MCU: variants seen among roughly 807,000 people sequenced by gnomAD.
MCU encodes the protein calcium uniporter protein, mitochondrial.
MCU carries 12 observed loss-of-function variants against 45.2 expected under a neutral mutation model. The observed-to-expected ratio is 0.27, with a 90% CI of 0.17 to 0.43. MCU has a LOEUF of 0.43. Ranked by LOEUF, MCU falls within the 20% of genes least tolerant of loss-of-function variation. MCU has a pLI of 1.00. For synonymous variants in MCU, 160 were observed against 165.1 expected, an observed-to-expected ratio of 0.97 and a Z score of 0.24; for missense variants, 324 against 436.7, an observed-to-expected ratio of 0.74 and a Z score of 2.30.
chr10:72,750,144 A>G (rs1843473895), intron 1 of MCU, among the ~76,000 whole-genome samples: 1 of 152,144 alleles, frequency 6.6e-6, no homozygotes, highest in African/African-American at 2.4e-5. Context: ...CACAGAATTC[A>G]TCAGTGTAAA....
intron 1 of MCU, among the ~76,000 whole-genome samples, chr10:72,749,736 C>T (rs926952883): frequency 1.3e-5 from 2 of 151,946 alleles, no homozygotes; most frequent in Non-Finnish European, 2.9e-5. Flanking sequence ...ATATGGTCAC[C>T]CTAGTTAAAG....
At chr10:72,776,054 G>C (rs1843888243) in intron 1 of MCU, among the ~76,000 whole-genome samples, 1 of 152,046 alleles carries the variant, frequency 6.6e-6, no homozygotes, top group Admixed American at 6.6e-5. Flanking sequence ...TGTAGCCCCA[G>C]TTATGTGGGA....
chr10:72,864,017 A>G (rs750860012), intron 4 of MCU, among the ~76,000 whole-genome samples: 3 of 152,184 alleles, frequency 2.0e-5, no homozygotes, highest in Non-Finnish European at 4.4e-5. Context: ...GCATGATGCC[A>G]TTTGCAGTTG....
chr10:72,737,521 C>CTTT (rs796167474), intron 1 of MCU, among the ~76,000 whole-genome samples: 3 of 136,450 alleles, frequency 2.2e-5, no homozygotes, highest in Non-Finnish European at 4.8e-5. Flanking sequence ...TTTTTCTTTC[C>CTTT]TTTTTTTTTT....
At chr10:72,794,952 C>A (rs1844221710) in intron 1 of MCU, among the ~76,000 whole-genome samples, 1 of 152,058 alleles carries the variant, frequency 6.6e-6, no homozygotes, top group Non-Finnish European at 1.5e-5. Flanking sequence ...TTGAGAATAG[C>A]TTGCTTTTTG....
rs568766582 is a variant in MCU, at chr10:72,786,263, G to A, written c.151-48096G>A. On this transcript the variant is annotated intron_variant, in intron 1 of 7. Coordinates refer to ENST00000373053, the MANE Select transcript of MCU (RefSeq NM_138357.3). ...ACTTGAACACATCAACATAGAGTGA[G>A]AAGTTACTGTTTTTGTTACCTAAAA... Among the ~76,000 whole-genome samples the A allele has an allele frequency of 3.9e-5, 6 of 152,194 alleles. No individual in the cohort carries two copies. In the East Asian group the frequency reaches 9.7e-4, roughly 24 times the overall value.
intron 1 of MCU, among the ~76,000 whole-genome samples, chr10:72,783,938 A>G (rs1282026990): frequency 2.0e-5 from 3 of 152,204 alleles, no homozygotes; most frequent in Admixed American, 6.5e-5. Context: ...AAAGCTTATT[A>G]GGAAGTCTAG....
chr10:72,729,643 G>A (rs751313150), intron 1 of MCU, among the ~76,000 whole-genome samples: 1 of 152,202 alleles, frequency 6.6e-6, no homozygotes, highest in Non-Finnish European at 1.5e-5. Context: ...CCTCACAGTA[G>A]AACAGATAGA....
intron 1 of MCU, among the ~76,000 whole-genome samples, chr10:72,701,973 C>T (rs1367699815): frequency 6.6e-6 from 1 of 152,114 alleles, no homozygotes; most frequent in Non-Finnish European, 1.5e-5. Flanking sequence ...GGCGCTGTGG[C>T]TCATGCCTGT....
At chr10:72,750,717 C>T (rs1447276074) in intron 1 of MCU, among the ~76,000 whole-genome samples, 1 of 152,194 alleles carries the variant, frequency 6.6e-6, no homozygotes, top group Non-Finnish European at 1.5e-5. Flanking sequence ...TAACCACCTT[C>T]ACAATCAGAA....
At chr10:72,784,327 A>G (rs1264309382) in intron 1 of MCU, among the ~76,000 whole-genome samples, 1 of 152,146 alleles carries the variant, frequency 6.6e-6, no homozygotes, top group East Asian at 1.9e-4. Flanking sequence ...CTCTGTTTTG[A>G]TAGATCTCTT....
In MCU at chr10:72,884,357, A is replaced by G. The variant is rs1463705801; in HGVS notation, c.953A>G (p.Asn318Ser). The change falls in exon 7 of 8, where the codon AAT becomes AGT. Residue 318 changes from asparagine (N) to serine (S), a missense_variant. Asn to Ser is a conservative substitution (Grantham distance 46). Coordinates refer to ENST00000373053, the MANE Select transcript of MCU (RefSeq NM_138357.3). The stretch of plus-strand genomic sequence containing the variant: ...TCACGTTTTGACCTAGAGAAATACA[A>G]TCAACTCAAGGATGCAATTGCTCAG... ...KKSRFDLEKYNQLKDAIAQAE... is the reference protein window; with the variant it reads ...KKSRFDLEKYSQLKDAIAQAE... 2.5e-6 allele frequency: 4 copies of G among 1,607,568 alleles called. No homozygotes were observed. The highest frequency in any genetic ancestry group is 3.4e-6 in the Non-Finnish European group (4 of 1,174,356).
chr10:72,702,959 C>T (rs1348847163), intron 1 of MCU, among the ~76,000 whole-genome samples: 1 of 140,680 alleles, frequency 7.1e-6, no homozygotes. Flanking sequence ...GCCTGGACAA[C>T]AAGAACGAAA....
chr10:72,730,210 C>A (rs1422445451), intron 1 of MCU, among the ~76,000 whole-genome samples: 1 of 151,934 alleles, frequency 6.6e-6, no homozygotes, highest in Non-Finnish European at 1.5e-5. Flanking sequence ...ATCCGCTTGC[C>A]TTAACCTCCC....
At position 72,697,520 on chromosome 10, in the gene MCU, G is replaced by A. The variant is rs554643286; in HGVS notation, c.150+5219G>A. Among the ~76,000 whole-genome samples, 8 of 137,840 alleles carry A rather than the reference G, an allele frequency of 5.8e-5. No homozygotes were observed. The East Asian group carries it at 1.5e-3, about 26-fold the overall frequency. 90.4% of individuals were successfully genotyped at this position (137,840 alleles called of 152,430 possible). On this transcript the variant is annotated intron_variant, in intron 1 of 7. Transcript: ENST00000373053. ...GTAATCTCGGTTCACTGCAACCTCC[G>A]TCTCCCTGGTTCAAGCGATTCTCCT...
At chr10:72,733,004 G>A (rs180859840) in intron 1 of MCU, among the ~76,000 whole-genome samples, 2 of 152,342 alleles carry the variant, frequency 1.3e-5, no homozygotes, top group East Asian at 3.9e-4. Context: ...GAAAATAATA[G>A]TGCTGAAAGA....
At chr10:72,797,127 G>C (rs911778059) in intron 1 of MCU, among the ~76,000 whole-genome samples, 10 of 151,924 alleles carry the variant, frequency 6.6e-5, no homozygotes, top group Non-Finnish European at 1.5e-4. Context: ...CATGAACTGC[G>C]ATGGTCTAAG....
At chr10:72,846,470 G>T (rs1018386770) in intron 2 of MCU, among the ~76,000 whole-genome samples, 1 of 152,118 alleles carries the variant, frequency 6.6e-6, no homozygotes. Context: ...TATGCTACTC[G>T]CGCATTAGTC....
At chr10:72,805,591 G>T (rs1729993058) in intron 1 of MCU, among the ~76,000 whole-genome samples, 2 of 152,046 alleles carry the variant, frequency 1.3e-5, no homozygotes, top group African/African-American at 2.4e-5. Context: ...TTTTGATAAG[G>T]TGTCAATGAG....
Sources: gnomAD v4.1 joint callset for allele counts (sites outside exome capture counted in the v4.1 genomes callset) on GRCh38, gnomAD v4.1.1 for gene constraint, MANE v1.5 for transcripts, NCBI Gene and HGNC (gene_info 2026-07-23, HGNC 2026-07-21) for gene names.